PAFAH1B1: variants seen among roughly 807,000 people sequenced by gnomAD.
PAFAH1B1 encodes the protein platelet activating factor acetylhydrolase 1b regulatory subunit 1.
In PAFAH1B1, 2 loss-of-function variants were observed where a neutral mutation model predicts 57.5. The ratio of observed to expected loss-of-function variants is 0.03; its 90% CI spans 0.01 to 0.11. PAFAH1B1 has a LOEUF of 0.11. Among genes scored for constraint, PAFAH1B1 ranks in the 10% least tolerant of loss-of-function variants. The pLI is 1.00. For synonymous variants in PAFAH1B1, 152 were observed against 169.6 expected, an observed-to-expected ratio of 0.90 and a Z score of 0.81; for missense variants, 257 against 512.0, an observed-to-expected ratio of 0.50 and a Z score of 4.81.
chr17:2,669,029 C>T (rs1261950628), intron 5 of PAFAH1B1, among the ~76,000 whole-genome samples: 1 of 151,896 alleles, frequency 6.6e-6, no homozygotes, highest in East Asian at 1.9e-4. Flanking sequence ...ATAAGAATTC[C>T]CAGTGATGAT....
At chr17:2,632,803 C>G (rs1289084470) in intron 1 of PAFAH1B1, among the ~76,000 whole-genome samples, 1 of 152,066 alleles carries the variant, frequency 6.6e-6, no homozygotes, top group East Asian at 1.9e-4. Context: ...AAATCCTACA[C>G]CATTTTTTAT....
chr17:2,651,376 A>G (rs796529027), intron 2 of PAFAH1B1, among the ~76,000 whole-genome samples: 17 of 150,982 alleles, frequency 1.1e-4, no homozygotes, highest in African/African-American at 4.1e-4. Context: ...CAGGGGTTCA[A>G]GACCAGACTG....
intron 5 of PAFAH1B1, 89 bp from the exon 6 acceptor site, chr17:2,670,070 CAGTA>C (rs1359623311): frequency 3.1e-6 from 3 of 966,528 alleles, no homozygotes; most frequent in African/African-American, 1.6e-5. Context: ...GTTAGTTACT[CAGTA>C]AGGTGCCAGA....
chr17:2,673,787 G>T, intron 7 of PAFAH1B1: 1 of 425,206 alleles, frequency 2.4e-6, no homozygotes, highest in Non-Finnish European at 4.3e-6. Context: ...TTCCAATATG[G>T]CTGGAAATAC....
rs1434085773 is a variant in PAFAH1B1 at position 2,684,318 on chromosome 17, G to GTTCTCTGTT, written c.*2525_*2533dup. 4 of 152,764 alleles carry GTTCTCTGTT rather than the reference G, an allele frequency of 2.6e-5. No individual in the cohort carries two copies. Among genetic ancestry groups the GTTCTCTGTT allele is most frequent in the Admixed American group, 2.0e-4 (3 of 15,274 alleles). 9.5% of individuals were successfully genotyped at this position (152,764 alleles called of 1,614,324 possible). A position where few individuals can be genotyped will look rare whatever the true frequency, so the allele number is the denominator to read the frequency against. On this transcript the variant is annotated 3_prime_UTR_variant, in exon 11 of 11. Coordinates refer to ENST00000397195, the MANE Select transcript of PAFAH1B1 (RefSeq NM_000430.4). ...TCCTGTTGATGCCCTTTCTGACTGT[G>GTTCTCTGTT]TTCTCTGTTTTCTCTGTCTGCTGTC...
chr17:2,605,455 A>G (rs902747764), intron 1 of PAFAH1B1, among the ~76,000 whole-genome samples: 3 of 152,214 alleles, frequency 2.0e-5, no homozygotes, highest in Non-Finnish European at 4.4e-5. Context: ...CAATGGCAAA[A>G]CTATGGTACT....
At chr17:2,661,244 A>G (rs760670848) in intron 2 of PAFAH1B1, among the ~76,000 whole-genome samples, 2 of 152,126 alleles carry the variant, frequency 1.3e-5, no homozygotes, top group Middle Eastern at 3.2e-3. Context: ...ATCTTTGCCC[A>G]TGCCTGAATG....
chr17:2,676,934 G>T (rs554463774), intron 9 of PAFAH1B1, among the ~76,000 whole-genome samples: 1 of 152,204 alleles, frequency 6.6e-6, no homozygotes, highest in East Asian at 1.9e-4. Flanking sequence ...AGGCCGAGGC[G>T]GGTGGATCAC....
At chr17:2,598,674 A>G (rs936825248) in intron 1 of PAFAH1B1, among the ~76,000 whole-genome samples, 2 of 152,192 alleles carry the variant, frequency 1.3e-5, no homozygotes, top group Admixed American at 1.3e-4. Context: ...TTCTGAAAAA[A>G]AGACAGACCT....
At chr17:2,639,001 G>A (rs1214543035) in intron 2 of PAFAH1B1, among the ~76,000 whole-genome samples, 3 of 152,026 alleles carry the variant, frequency 2.0e-5, no homozygotes, top group East Asian at 1.9e-4. Context: ...CTGGGTTCAC[G>A]CCATTCTTCT....
chr17:2,607,538 G>A (rs2151612547), intron 1 of PAFAH1B1, among the ~76,000 whole-genome samples: 1 of 151,356 alleles, frequency 6.6e-6, no homozygotes, highest in East Asian at 1.9e-4. Context: ...AGGCCAGAGT[G>A]CAGCAGCACC....
chr17:2,597,242 T>C (rs570958401), intron 1 of PAFAH1B1, among the ~76,000 whole-genome samples: 2 of 152,246 alleles, frequency 1.3e-5, no homozygotes, highest in African/African-American at 4.8e-5. Context: ...TTCATAGTTC[T>C]GTATAGAACT....
At position 2,684,994 on chromosome 17, in the gene PAFAH1B1, A is replaced by G. The variant is rs925922501; in HGVS notation, c.*3192A>G. On this transcript the variant is annotated 3_prime_UTR_variant, in exon 11 of 11. Transcript: ENST00000397195. ...TTTTGTTGACATCGGTGGCTCGATC[A>G]TCCTTAAGCAACTGAAGTTAAAATT... 2.0e-5 allele frequency: 3 copies of G among 152,202 alleles called. No homozygotes were observed. Among genetic ancestry groups the G allele is most frequent in the African/African-American group, 7.2e-5 (3 of 41,442 alleles). The allele number at this position is 152,202 out of a possible 1,614,324, so 9.4% of individuals were successfully genotyped here.
intron 2 of PAFAH1B1, among the ~76,000 whole-genome samples, chr17:2,652,602 C>T (rs548236917): frequency 3.3e-5 from 5 of 152,244 alleles, no homozygotes; most frequent in South Asian, 2.1e-4. Flanking sequence ...GATTGGAAAG[C>T]GGTTTTTCCC....
intron 2 of PAFAH1B1, among the ~76,000 whole-genome samples, chr17:2,663,676 A>C (rs2069051710): frequency 6.6e-6 from 1 of 150,380 alleles, no homozygotes; most frequent in Non-Finnish European, 1.5e-5. Flanking sequence ...AGGGCATCAA[A>C]GGTGGTAGTG....
At chr17:2,620,234 A>G (rs1278907132) in intron 1 of PAFAH1B1, among the ~76,000 whole-genome samples, 1 of 152,208 alleles carries the variant, frequency 6.6e-6, no homozygotes, top group Admixed American at 6.5e-5. Flanking sequence ...TGATTGTCTA[A>G]GCCTAAAGTA....
chr17:2,594,568 G>T (rs2068063616), intron 1 of PAFAH1B1, among the ~76,000 whole-genome samples: 1 of 152,164 alleles, frequency 6.6e-6, no homozygotes, highest in Non-Finnish European at 1.5e-5. Flanking sequence ...TCCTTAAGAT[G>T]GGGTTGACCA....
chr17:2,595,614 G>A (rs2068077286), intron 1 of PAFAH1B1, among the ~76,000 whole-genome samples: 1 of 152,166 alleles, frequency 6.6e-6, no homozygotes, highest in South Asian at 2.1e-4. Context: ...TTAGGACACA[G>A]TTTCACAAAA....
chr17:2,684,205 TGTTTAATAAC>T lies in PAFAH1B1; in HGVS notation c.*2405_*2414del, dbSNP rs2069432870. ...AACTGGGTCCACATGTAATGAGCCC[TGTTTAATAAC>T]GAAGGGGTGGGGGAGAGCAGTCCGT... On this transcript the variant is annotated 3_prime_UTR_variant, in exon 11 of 11. Coordinates refer to ENST00000397195, the MANE Select transcript of PAFAH1B1 (RefSeq NM_000430.4). The T allele has an allele frequency of 6.6e-6, 1 of 152,630 alleles. No homozygotes were observed. Among genetic ancestry groups the T allele is most frequent in the Non-Finnish European group, 1.5e-5 (1 of 68,056 alleles). 9.5% of individuals were successfully genotyped at this position (152,630 alleles called of 1,614,324 possible). A position where few individuals can be genotyped will look rare whatever the true frequency, so the allele number is the denominator to read the frequency against.
Sources: gnomAD v4.1 joint callset for allele counts (sites outside exome capture counted in the v4.1 genomes callset) on GRCh38, gnomAD v4.1.1 for gene constraint, MANE v1.5 for transcripts, NCBI Gene and HGNC (gene_info 2026-07-23, HGNC 2026-07-21) for gene names.